IDH1: variants seen among roughly 807,000 people sequenced by gnomAD.
IDH1 encodes isocitrate dehydrogenase (NADP(+)) 1, also known as isocitrate dehydrogenase [NADP] cytoplasmic.
IDH1 carries 33 observed loss-of-function variants against 46.1 expected under a neutral mutation model. The ratio of observed to expected loss-of-function variants is 0.72; its 90% CI spans 0.54 to 0.96. The LOEUF is 0.96. Ranked by LOEUF, IDH1 falls within the 40% of genes least tolerant of loss-of-function variation. The pLI is 0.00. For synonymous variants in IDH1, 144 were observed against 172.8 expected (o/e 0.83, Z 1.31); for missense variants, 421 against 515.7 (o/e 0.82, Z 1.78).
chr2:208,236,861 A>G lies in IDH1; in HGVS notation c.*218T>C. ...ATTCCTAGGCTGGTACTAGAAAATA[A>G]AATAAAAATTGTAAAAAAGTCCCTT... is the stretch of plus-strand genomic sequence containing the variant. On this transcript the variant is annotated 3_prime_UTR_variant, in exon 10 of 10. Transcript: ENST00000345146. The G allele has an allele frequency of 3.7e-6, 2 of 542,898 alleles. No individual in the cohort carries two copies. Among genetic ancestry groups the G allele is most frequent in the Non-Finnish European group, 6.5e-6 (2 of 307,650 alleles). 33.6% of individuals were successfully genotyped at this position (542,898 alleles called of 1,614,324 possible).
intron 6 of IDH1, 56 bp downstream of exon 6, chr2:208,243,371 T>G (rs1687956249): frequency 1.5e-6 from 2 of 1,294,106 alleles, no homozygotes; most frequent in South Asian, 1.2e-5. Flanking sequence ...ATACTCTATA[T>G]GCAAATGTCA....
At chr2:208,250,300 C>CT (rs11370730) in intron 3 of IDH1, among the ~76,000 whole-genome samples, 133,224 of 147,236 alleles carry the variant, frequency 0.9, 61,421 homozygotes, top group South Asian at 1. Flanking sequence ...TCCTAAGATG[C>CT]TTTTTTTTTT....
At chr2:208,251,387 T>C (rs1688120093) in intron 3 of IDH1, 43 bp downstream of exon 3, 1 of 1,609,414 alleles carries the variant, frequency 6.2e-7, no homozygotes, top group Admixed American at 1.7e-5. Context: ...CCCAGCCAGA[T>C]TATCCTTTCT....
At chr2:208,238,985 A>T in intron 9 of IDH1, 86 bp downstream of exon 9, 1 of 1,185,728 alleles carries the variant, frequency 8.4e-7, no homozygotes, top group South Asian at 1.2e-5. Context: ...ATAACAATTT[A>T]TATAATTCCA....
chr2:208,245,742 A>C (rs1574407061), intron 4 of IDH1, among the ~76,000 whole-genome samples: 1 of 150,906 alleles, frequency 6.6e-6, no homozygotes, highest in East Asian at 2.0e-4. Flanking sequence ...AGTGAAAAGC[A>C]ATATAAGAGC....
In IDH1 at chr2:208,246,073, C is replaced by T. The variant is rs141671114; in HGVS notation, c.415-649G>A. On this transcript the variant is annotated intron_variant, in intron 4 of 9. Transcript: ENST00000345146. ...TACTTAGGCCATCGGGGCTCGGTCT[C>T]TCATGGTATCATTGTTACTAGTGTT... Among the ~76,000 whole-genome samples, 218 of 152,260 alleles carry T rather than the reference C, an allele frequency of 1.4e-3. 2 individuals carry two copies. The highest frequency in any genetic ancestry group is 5.0e-3 in the African/African-American group (209 of 41,548).
intron 5 of IDH1, among the ~76,000 whole-genome samples, chr2:208,243,843 AACAT>A (rs1226054841): frequency 6.6e-6 from 1 of 152,266 alleles, no homozygotes; most frequent in African/African-American, 2.4e-5. Flanking sequence ...GAAATGAAAA[AACAT>A]ACAGTCTTTA....
At chr2:208,253,061 CTGA>C (rs1688152795) in intron 2 of IDH1, among the ~76,000 whole-genome samples, 1 of 152,168 alleles carries the variant, frequency 6.6e-6, no homozygotes, top group Admixed American at 6.5e-5. Flanking sequence ...TATCTGGTTC[CTGA>C]TAATACACTT....
At chr2:208,253,070 C>T (rs1688152915) in intron 2 of IDH1, among the ~76,000 whole-genome samples, 2 of 152,202 alleles carry the variant, frequency 1.3e-5, no homozygotes, top group Admixed American at 1.3e-4. Context: ...CCTGATAATA[C>T]ACTTCCATGG....
At chr2:208,252,518 A>C (rs893506898) in intron 2 of IDH1, among the ~76,000 whole-genome samples, 1 of 152,226 alleles carries the variant, frequency 6.6e-6, no homozygotes, top group African/African-American at 2.4e-5. Context: ...GAGGCAGAAG[A>C]AGCTCTGAGC....
At chr2:208,245,546 C>CTTTTTTT (rs34363027) in intron 4 of IDH1, 122 bp from the exon 5 acceptor site, 28 of 337,204 alleles carry the variant, frequency 8.3e-5, no homozygotes, top group Non-Finnish European at 9.2e-5. Flanking sequence ...TGTCAAACTT[C>CTTTTTTT]TTTTTTTTTT....
chr2:208,252,949 TAATTTGTAGTACAGCTGAAAG>T (rs1688150616), intron 2 of IDH1, among the ~76,000 whole-genome samples: 1 of 152,248 alleles, frequency 6.6e-6, no homozygotes, highest in Non-Finnish European at 1.5e-5. Context: ...ATGTCAAGTA[TAATTTGTAGTACAGCTGAAAG>T]CATATGATTC....
At chr2:208,245,529 G>A in intron 4 of IDH1, 105 bp from the exon 5 acceptor site, 3 of 619,394 alleles carry the variant, frequency 4.8e-6, no homozygotes, top group Admixed American at 2.7e-5. Flanking sequence ...AGACAAATAG[G>A]GCAGTATGTC....
chr2:208,243,463 CCAT>C lies in IDH1; in HGVS notation c.659_661del (p.Asp220del). ...CTCCTGAAAGATGTCTTTAAAACGC[CCAT>C]CATATTTCTTCAGAATAGTGTTTTT... On this transcript the variant is annotated inframe_deletion, in exon 6 of 10. Coordinates refer to ENST00000345146, the MANE Select transcript of IDH1 (RefSeq NM_005896.4). The C allele has an allele frequency of 6.2e-7, 1 of 1,613,812 alleles. No homozygotes were observed. Among genetic ancestry groups the C allele is most frequent in the Non-Finnish European group, 8.5e-7 (1 of 1,179,828 alleles).
In IDH1 at chr2:208,251,495, T is replaced by G. The variant is rs1321669350; in HGVS notation, c.57A>C (p.Thr19=). The G allele has an allele frequency of 3.1e-6, 5 of 1,612,630 alleles. No individual in the cohort carries two copies. The Admixed American group carries it at 8.3e-5, about 27-fold the overall frequency. ...SVVEMQGDEM[T]RIIWELIKEK... ...CTTTAATCAATTCCCAAATGATTCG[T>G]GTCATTTCATCTCCTTGCATCTCTA... Residue 19 remains threonine (T), a synonymous_variant, in exon 3 of 10, where the codon ACA becomes ACC. Coordinates refer to ENST00000345146, the MANE Select transcript of IDH1 (RefSeq NM_005896.4).
chr2:208,247,230 CT>C (rs1309056142), intron 4 of IDH1, among the ~76,000 whole-genome samples: 1 of 152,168 alleles, frequency 6.6e-6, no homozygotes, highest in Non-Finnish European at 1.5e-5. Context: ...TGAGAGATTC[CT>C]GTTTTTAAGG....
At chr2:208,241,786 G>T (rs909201427) in intron 7 of IDH1, among the ~76,000 whole-genome samples, 4 of 152,188 alleles carry the variant, frequency 2.6e-5, no homozygotes, top group Non-Finnish European at 5.9e-5. Context: ...AGCCAGGAGT[G>T]TCAATCCACT....
chr2:208,245,770 G>A (rs565411018), intron 4 of IDH1, among the ~76,000 whole-genome samples: 2 of 123,134 alleles, frequency 1.6e-5, no homozygotes, highest in African/African-American at 6.1e-5. Context: ...TGCCAAAAGA[G>A]GGTATTAGAC....
intron 7 of IDH1, among the ~76,000 whole-genome samples, chr2:208,241,023 T>C (rs1215482138): frequency 1.3e-5 from 2 of 152,160 alleles, no homozygotes; most frequent in Non-Finnish European, 2.9e-5. Flanking sequence ...CAAACATTCA[T>C]CTGGGGAGAT....
Sources: gnomAD v4.1 joint callset for allele counts (sites outside exome capture counted in the v4.1 genomes callset) on GRCh38, gnomAD v4.1.1 for gene constraint, MANE v1.5 for transcripts, NCBI Gene and HGNC (gene_info 2026-07-23, HGNC 2026-07-21) for gene names.